KRCC1: variants seen among roughly 807,000 people sequenced by gnomAD.
The protein encoded by KRCC1 is lysine-rich coiled-coil protein 1.
Under a neutral mutation model 7.4 loss-of-function variants are expected in KRCC1, and 3 were observed. The observed-to-expected ratio is 0.40, with a 90% confidence interval of 0.18 to 1.04. KRCC1 has a LOEUF of 1.04. Among genes scored for constraint, KRCC1 ranks in the 50% least tolerant of loss-of-function variants. The probability of loss-of-function intolerance (pLI) is 0.33; values close to 1 mark genes in which losing one functional copy is unlikely to be tolerated. For synonymous variants in KRCC1, 102 were observed against 101.6 expected, an observed-to-expected ratio of 1.00 and a Z score of -0.02; for missense variants, 277 against 300.9, an observed-to-expected ratio of 0.92 and a Z score of 0.59.
rs553747145 is a variant in KRCC1 at position 88,027,662 on chromosome 2, G to A, written c.*122C>T. 4.9e-5 allele frequency: 38 copies of A among 775,876 alleles called. 1 individual carries two copies. Among genetic ancestry groups the A allele is most frequent in the South Asian group, 2.4e-4 (11 of 46,630 alleles). 48.1% of individuals were successfully genotyped at this position (775,876 alleles called of 1,614,324 possible). ...AGCATGCTAAACACTTTGTTTACTAGGCCTTTGTTAGAAGTTAAAGAACCT... is the reference window on the plus strand; with the variant it reads ...AGCATGCTAAACACTTTGTTTACTAAGCCTTTGTTAGAAGTTAAAGAACCT... On this transcript the variant is annotated 3_prime_UTR_variant, in exon 4 of 4. Coordinates refer to ENST00000347055, the MANE Select transcript of KRCC1 (RefSeq NM_016618.3).
At chr2:88,038,462 T>A (rs541066337) in intron 1 of KRCC1, among the ~76,000 whole-genome samples, 15 of 152,346 alleles carry the variant, frequency 9.8e-5, no homozygotes, top group South Asian at 2.1e-4. Context: ...AACATGGAGA[T>A]GAGTCACAAT....
At chr2:88,043,545 C>T (rs1427138000) in intron 1 of KRCC1, among the ~76,000 whole-genome samples, 1 of 152,168 alleles carries the variant, frequency 6.6e-6, no homozygotes, top group East Asian at 1.9e-4. Flanking sequence ...TCAATAAATG[C>T]ATATTGCCTT....
In KRCC1 at chr2:88,028,495, T is replaced by C. The variant is rs1417774535; in HGVS notation, c.69A>G (p.Lys23=). Residue 23 remains lysine (K), a synonymous_variant, in exon 4 of 4, where the codon AAA becomes AAG. Transcript: ENST00000347055. ...AAGTCTTTGGCTCTAAGCCTCTGGC[T>C]TTCTGTACTTTAATATAATCTTCAA... ...DELEDYIKVQ[K]ARGLEPKTCF... 1.2e-6 allele frequency: 2 copies of C among 1,613,466 alleles called. No homozygotes were observed. The highest frequency in any genetic ancestry group is 3.3e-5 in the Admixed American group (2 of 59,990).
chr2:88,039,967 C>A (rs1053542187), intron 1 of KRCC1, among the ~76,000 whole-genome samples: 4 of 151,988 alleles, frequency 2.6e-5, no homozygotes, highest in Admixed American at 1.3e-4. Context: ...GAGTTTGAGA[C>A]CAGCCTGGGC....
chr2:88,036,767 CT>C (rs1417997594), intron 2 of KRCC1, among the ~76,000 whole-genome samples, 175 bp downstream of exon 2: 6 of 152,154 alleles, frequency 3.9e-5, no homozygotes, highest in Non-Finnish European at 8.8e-5. Flanking sequence ...TTAGAAAGAT[CT>C]GAATTTAAAT....
intron 1 of KRCC1, among the ~76,000 whole-genome samples, chr2:88,055,102 A>G (rs965525663): frequency 1.4e-5 from 2 of 144,362 alleles, no homozygotes; most frequent in African/African-American, 5.1e-5. Context: ...CCCCCCCTAA[A>G]CCTCATCCCC....
At chr2:88,040,558 T>A (rs1043348540) in intron 1 of KRCC1, among the ~76,000 whole-genome samples, 5 of 152,222 alleles carry the variant, frequency 3.3e-5, no homozygotes, top group African/African-American at 1.2e-4. Context: ...GAATTTCTCA[T>A]AAAGATTAGG....
intron 1 of KRCC1, among the ~76,000 whole-genome samples, chr2:88,050,162 A>C (rs913254068): frequency 6.6e-6 from 1 of 152,236 alleles, no homozygotes; most frequent in Non-Finnish European, 1.5e-5. Context: ...AAGAAGGGTT[A>C]TTAGCTAGAT....
intron 1 of KRCC1, among the ~76,000 whole-genome samples, chr2:88,055,153 C>T (rs1673588945): frequency 6.6e-6 from 1 of 151,836 alleles, no homozygotes; most frequent in South Asian, 2.1e-4. Context: ...CCTGCTTTCC[C>T]CGATTCCTAA....
At chr2:88,042,490 C>T (rs1242000200) in intron 1 of KRCC1, among the ~76,000 whole-genome samples, 1 of 148,888 alleles carries the variant, frequency 6.7e-6, no homozygotes, top group South Asian at 2.2e-4. Flanking sequence ...ATGATCATAG[C>T]TCGCTGCAGC....
intron 2 of KRCC1, among the ~76,000 whole-genome samples, 174 bp downstream of exon 2, chr2:88,036,769 G>A (rs1317832453): frequency 6.6e-6 from 1 of 152,162 alleles, no homozygotes; most frequent in Non-Finnish European, 1.5e-5. Flanking sequence ...AGAAAGATCT[G>A]AATTTAAATC....
At chr2:88,040,411 A>G (rs1673184961) in intron 1 of KRCC1, among the ~76,000 whole-genome samples, 2 of 152,204 alleles carry the variant, frequency 1.3e-5, no homozygotes, top group African/African-American at 4.8e-5. Context: ...ATTAAACTTT[A>G]TCACTACTTA....
chr2:88,048,797 T>G lies in KRCC1; in HGVS notation c.-291+6829A>C, dbSNP rs538355087. Among the ~76,000 whole-genome samples, 8 of 152,330 alleles carry G rather than the reference T, an allele frequency of 5.3e-5. No individual in the cohort carries two copies. In the East Asian group the frequency reaches 1.5e-3, roughly 29 times the overall value. On this transcript the variant is annotated intron_variant, in intron 1 of 3. Coordinates refer to ENST00000347055, the MANE Select transcript of KRCC1 (RefSeq NM_016618.3). ...TCTGTAATCCAATACTATCTTAATCTTAGTAAAGACCACGCAGAGCACAGC... is the reference window on the plus strand; with the variant it reads ...TCTGTAATCCAATACTATCTTAATCGTAGTAAAGACCACGCAGAGCACAGC...
At chr2:88,031,101 A>G (rs1164649076) in intron 3 of KRCC1, among the ~76,000 whole-genome samples, 3 of 152,130 alleles carry the variant, frequency 2.0e-5, no homozygotes, top group Admixed American at 2.0e-4. Flanking sequence ...TCCTTATTAA[A>G]AAAAAAAGTT....
At chr2:88,030,282 C>T (rs1017167419) in intron 3 of KRCC1, among the ~76,000 whole-genome samples, 1 of 149,606 alleles carries the variant, frequency 6.7e-6, no homozygotes, top group South Asian at 2.2e-4. Flanking sequence ...TTCAGTTCAA[C>T]ATGGGATATA....
intron 1 of KRCC1, among the ~76,000 whole-genome samples, chr2:88,046,823 A>T (rs1468934542): frequency 2.0e-5 from 3 of 152,040 alleles, no homozygotes; most frequent in African/African-American, 7.3e-5. Context: ...GGCATCTGCC[A>T]CTAAGCCCAG....
chr2:88,041,252 G>A (rs1673204616), intron 1 of KRCC1, among the ~76,000 whole-genome samples: 1 of 152,182 alleles, frequency 6.6e-6, no homozygotes, highest in African/African-American at 2.4e-5. Flanking sequence ...GAGAGTGGGG[G>A]CAGAGACAAT....
intron 3 of KRCC1, 59 bp from the exon 4 acceptor site, chr2:88,028,644 CTTTT>C (rs35917852): frequency 2.4e-4 from 119 of 503,014 alleles, no homozygotes; most frequent in Non-Finnish European, 3.3e-4. Context: ...TTCCTTTGCT[CTTTT>C]TTTTTTTTTT....
intron 2 of KRCC1, among the ~76,000 whole-genome samples, chr2:88,036,176 T>G (rs1673086688): frequency 6.6e-6 from 1 of 152,194 alleles, no homozygotes; most frequent in Non-Finnish European, 1.5e-5. Context: ...ATCTACTACT[T>G]TTGGTATCCC....
Sources: gnomAD v4.1 joint callset for allele counts (sites outside exome capture counted in the v4.1 genomes callset) on GRCh38, gnomAD v4.1.1 for gene constraint, MANE v1.5 for transcripts, NCBI Gene and HGNC (gene_info 2026-07-23, HGNC 2026-07-21) for gene names.